NBAS: variants seen among roughly 807,000 people sequenced by gnomAD.
The protein encoded by NBAS is NAG/BC035112 fusion.
In NBAS, 219 loss-of-function variants were observed where a neutral mutation model predicts 302.5. That is an observed-to-expected ratio of 0.72 (90% CI 0.65 to 0.81). The LOEUF (loss-of-function observed/expected upper bound fraction) is 0.81, where lower values mean the gene tolerates loss of function less well. NBAS is among the 30% of genes least tolerant of loss of function. The pLI, the probability that NBAS is intolerant of heterozygous loss-of-function variation, is 0.00. For synonymous variants in NBAS, 1,118 were observed against 1,021.6 expected (o/e 1.09, Z -1.80); for missense variants, 2,932 against 2,841.6 (o/e 1.03, Z -0.72).
At chr2:15,160,032 C>T in the NBAS span, among the ~76,000 whole-genome samples, 2 of 152,278 alleles carry the variant, frequency 1.3e-5, no homozygotes, top group East Asian at 3.9e-4. Flanking sequence ...ATGTACAAAG[C>T]AGCCACCAAT....
At chr2:15,544,600 C>T (rs552892959) in intron 6 of NBAS, among the ~76,000 whole-genome samples, 1 of 152,018 alleles carries the variant, frequency 6.6e-6, no homozygotes, top group East Asian at 1.9e-4. Flanking sequence ...CAATGTCTGA[C>T]AAACAATAAT....
At chr2:14,867,756 G>T in the NBAS span, among the ~76,000 whole-genome samples, 3 of 152,114 alleles carry the variant, frequency 2.0e-5, no homozygotes, top group Non-Finnish European at 4.4e-5. Context: ...ATTTGCTATT[G>T]TAAAGAAAGG....
At chr2:15,449,688 A>G (rs1321074176) in intron 21 of NBAS, among the ~76,000 whole-genome samples, 1 of 152,138 alleles carries the variant, frequency 6.6e-6, no homozygotes, top group Non-Finnish European at 1.5e-5. Context: ...CCCTACCACC[A>G]GATCCTAACC....
At chr2:15,518,286 G>A (rs1276067119) in intron 9 of NBAS, among the ~76,000 whole-genome samples, 1 of 152,058 alleles carries the variant, frequency 6.6e-6, no homozygotes, top group African/African-American at 2.4e-5. Context: ...CTGGGACTGG[G>A]ACTTACTACT....
intron 9 of NBAS, 46 bp from the exon 10 acceptor site, chr2:15,511,396 A>G (rs1449648683): frequency 6.4e-7 from 1 of 1,561,430 alleles, no homozygotes; most frequent in South Asian, 1.1e-5. Flanking sequence ...GCAAATATAA[A>G]TAAGAGCAAA....
the NBAS span, among the ~76,000 whole-genome samples, chr2:14,894,494 C>T: frequency 2.0e-5 from 3 of 151,782 alleles, no homozygotes; most frequent in Non-Finnish European, 4.4e-5. Context: ...CCATGATAGC[C>T]ATGCAAATGA....
the NBAS span, among the ~76,000 whole-genome samples, chr2:15,131,339 A>G: frequency 1.8e-4 from 28 of 152,026 alleles, no homozygotes; most frequent in Middle Eastern, 3.4e-3. Context: ...TCCTTCTGCG[A>G]CCTCTATTAC....
At chr2:15,336,932 T>G (rs1235467923) in intron 35 of NBAS, among the ~76,000 whole-genome samples, 3 of 152,068 alleles carry the variant, frequency 2.0e-5, no homozygotes, top group Admixed American at 6.6e-5. Flanking sequence ...TTAAGCAGAC[T>G]ACAACTACAT....
chr2:14,895,820 G>A, the NBAS span, among the ~76,000 whole-genome samples: 2 of 151,920 alleles, frequency 1.3e-5, no homozygotes, highest in Non-Finnish European at 2.9e-5. Context: ...ATACACGAGG[G>A]TAATAATAAA....
chr2:15,010,139 T>C, the NBAS span, among the ~76,000 whole-genome samples: 3 of 152,102 alleles, frequency 2.0e-5, no homozygotes, highest in Non-Finnish European at 4.4e-5. Context: ...AGTGAGTCCA[T>C]GTCCATTGCT....
intron 48 of NBAS, among the ~76,000 whole-genome samples, chr2:15,205,628 C>T (rs1572446126): frequency 2.0e-5 from 3 of 152,252 alleles, no homozygotes; most frequent in Admixed American, 6.5e-5. Context: ...TCTGTGTCCC[C>T]ACTCAAATCG....
chr2:15,352,229 C>A (rs1673394539), intron 34 of NBAS, 148 bp from the exon 35 acceptor site: 2 of 634,556 alleles, frequency 3.2e-6, no homozygotes, highest in South Asian at 1.8e-5. Context: ...TACTTCAGGA[C>A]TTCACAAACA....
intron 44 of NBAS, among the ~76,000 whole-genome samples, chr2:15,273,456 C>T (rs896170019): frequency 1.3e-5 from 2 of 152,210 alleles, no homozygotes; most frequent in Non-Finnish European, 2.9e-5. Context: ...ACTCTAGTTG[C>T]TTGTTCTATG....
chr2:14,794,782 T>C, the NBAS span, among the ~76,000 whole-genome samples: 749 of 152,252 alleles, frequency 4.9e-3, 12 homozygotes, highest in African/African-American at 0.017. Context: ...CCATTCCCAG[T>C]CAAAAATTGA....
chr2:14,831,855 C>T, the NBAS span, among the ~76,000 whole-genome samples: 2 of 152,194 alleles, frequency 1.3e-5, no homozygotes, highest in East Asian at 1.9e-4. Flanking sequence ...CTGTGCTCCA[C>T]ATCATGCCTG....
chr2:15,491,409 C>A (rs998471532), intron 11 of NBAS, among the ~76,000 whole-genome samples: 6 of 152,262 alleles, frequency 3.9e-5, no homozygotes, highest in African/African-American at 1.2e-4. Context: ...ACTTCCACAA[C>A]TATCCATTTC....
the NBAS span, among the ~76,000 whole-genome samples, chr2:14,859,786 A>G: frequency 0.56 from 85,533 of 151,894 alleles, 26,436 homozygotes; most frequent in African/African-American, 0.84. Flanking sequence ...CAAAGAATGT[A>G]TAAGATTTCA....
chr2:14,996,448 G>A, the NBAS span, among the ~76,000 whole-genome samples: 6 of 152,120 alleles, frequency 3.9e-5, no homozygotes, highest in Non-Finnish European at 7.4e-5. Context: ...CACGGCAGAC[G>A]GCGTACAGCA....
At chr2:15,212,051 C>T (rs1666436560) in intron 48 of NBAS, among the ~76,000 whole-genome samples, 2 of 152,150 alleles carry the variant, frequency 1.3e-5, no homozygotes, top group African/African-American at 4.8e-5. Context: ...GTAACTTAGG[C>T]AAAAATCAGA....
Sources: gnomAD v4.1 joint callset for allele counts (sites outside exome capture counted in the v4.1 genomes callset) on GRCh38, gnomAD v4.1.1 for gene constraint, MANE v1.5 for transcripts, NCBI Gene and HGNC (gene_info 2026-07-23, HGNC 2026-07-21) for gene names.